The following ZNF536 variants were observed in gnomAD, a reference collection of about 807,000 sequenced individuals.
ZNF536 encodes zinc finger protein 536.
A neutral mutation model predicts 84.5 loss-of-function variants in ZNF536; 13 were observed. That is an observed-to-expected ratio of 0.15 (90% CI 0.10 to 0.24). The LOEUF is 0.24. Ranked by LOEUF, ZNF536 falls within the 10% of genes least tolerant of loss-of-function variation. The probability of loss-of-function intolerance (pLI) is 1.00; values close to 1 mark genes in which losing one functional copy is unlikely to be tolerated. For synonymous variants in ZNF536, 811 were observed against 742.5 expected (o/e 1.09, Z -1.50); for missense variants, 1,536 against 1,747.5 (o/e 0.88, Z 2.16).
At position 30,557,208 on chromosome 19, in the gene ZNF536, T is replaced by A. The variant is rs762387553; in HGVS notation, c.*44T>A. ...GTCTATCTGGACTTGCCCTTGTCTG[T>A]TCGTGGTCCTCGGTGGTTATCTGCA... On this transcript the variant is annotated 3_prime_UTR_variant, in exon 5 of 5. Coordinates refer to ENST00000355537, the MANE Select transcript of ZNF536 (RefSeq NM_014717.3). 6.2e-7 allele frequency: 1 copy of A among 1,611,582 alleles called. No homozygotes were observed.
In ZNF536 at chr19:30,698,501, A is replaced by G. The variant is rs201974165; in HGVS notation, c.170-12256A>G. On this transcript the variant is annotated intron_variant, in intron 1 of 1. Transcript: ENST00000592773. ...GTCCTGTTCTGCTCCAGGATACCAT[A>G]TTACCTTAGGTGTCCTGTCTCCTTC... 3.9e-5 allele frequency among the ~76,000 whole-genome samples: 6 copies of G among 152,256 alleles called. No homozygotes were observed. In the East Asian group the frequency reaches 9.6e-4, roughly 24 times the overall value.
At chr19:30,523,879 G>C (rs1568514119) in intron 2 of ZNF536, among the ~76,000 whole-genome samples, 1 of 152,290 alleles carries the variant, frequency 6.6e-6, no homozygotes, top group East Asian at 1.9e-4. Context: ...AGCCGGGCCT[G>C]GTGGATTTTT....
chr19:30,398,559 G>T (rs780700897), intron 1 of ZNF536, among the ~76,000 whole-genome samples: 19 of 151,948 alleles, frequency 1.3e-4, no homozygotes, highest in Non-Finnish European at 2.5e-4. Context: ...TCCCGGACAG[G>T]CCCCAGTGTG....
intron 1 of ZNF536, among the ~76,000 whole-genome samples, chr19:30,563,252 G>A (rs1479375393): frequency 6.6e-6 from 1 of 152,098 alleles, no homozygotes; most frequent in African/African-American, 2.4e-5. Context: ...CTTTCTGGAT[G>A]GCCCATCTGG....
In ZNF536 at chr19:30,448,467, G is replaced by T. The variant is rs548464809; in HGVS notation, c.2170+2735G>T. Among the ~76,000 whole-genome samples the T allele has an allele frequency of 4.9e-3, 740 of 152,284 alleles. 5 individuals are homozygous for T. Among genetic ancestry groups the T allele is most frequent in the African/African-American group, 0.017 (707 of 41,574 alleles). ...GGAGAGAGAGAGAAAAAATCTTTAA[G>T]CCCTTAAGTAAAGAAAGAAGTACTT... On this transcript the variant is annotated intron_variant, in intron 2 of 4. Transcript: ENST00000355537.
intron 2 of ZNF536, among the ~76,000 whole-genome samples, chr19:30,477,302 T>G (rs562560242): frequency 6.6e-6 from 1 of 152,330 alleles, no homozygotes; most frequent in East Asian, 1.9e-4. Context: ...AGGAATGGTG[T>G]CTGTTTTGTC....
At chr19:30,462,653 T>C (rs1489134972) in intron 2 of ZNF536, among the ~76,000 whole-genome samples, 2 of 152,178 alleles carry the variant, frequency 1.3e-5, no homozygotes, top group Non-Finnish European at 2.9e-5. Flanking sequence ...TGCAATTATG[T>C]TGCTGTGTTG....
chr19:30,483,685 G>A (rs1450892329), intron 2 of ZNF536, among the ~76,000 whole-genome samples: 6 of 151,968 alleles, frequency 3.9e-5, no homozygotes, highest in African/African-American at 9.7e-5. Context: ...GTTCGTTCCC[G>A]GTAGCTTGCT....
chr19:30,242,690 G>T (rs1171711325), intron 1 of ZNF536, among the ~76,000 whole-genome samples: 1 of 152,190 alleles, frequency 6.6e-6, no homozygotes, highest in Non-Finnish European at 1.5e-5. Context: ...TCGAGAGAGG[G>T]ACAGGTTGGC....
chr19:30,274,755 A>G (rs2026036088), intron 1 of ZNF536, among the ~76,000 whole-genome samples: 1 of 152,166 alleles, frequency 6.6e-6, no homozygotes, highest in Non-Finnish European at 1.5e-5. Flanking sequence ...TTCGAGTGAT[A>G]TTTATCAAGC....
At position 30,444,881 on chromosome 19, in the gene ZNF536, C is replaced by T. The variant is rs769608026; in HGVS notation, c.1319C>T (p.Thr440Ile). ...YLSCLQSGFM[T>I]PDKAGLSEPS... ...TCCTGCCTGCAGAGTGGCTTCATGA[C>T]CCCGGACAAAGCCGGCCTGAGCGAG... The change falls in exon 2 of 5, where the codon ACC (threonine) becomes ATC (isoleucine). Residue 440 changes from threonine to isoleucine, a missense_variant. Physicochemically the swap from Thr to Ile is moderately conservative, Grantham distance 89. This residue lies in a region of ZNF536 where 366 missense variants were observed against 364.4 expected (regional missense o/e 1.00). Transcript: ENST00000355537. 1.2e-6 allele frequency: 2 copies of T among 1,612,506 alleles called. No homozygotes were observed. Among genetic ancestry groups the T allele is most frequent in the Non-Finnish European group, 1.7e-6 (2 of 1,179,454 alleles).
At chr19:30,559,301 G>T (rs1243724539), downstream of ZNF536, among the ~76,000 whole-genome samples, 7 of 152,192 alleles carry the variant, frequency 4.6e-5, no homozygotes, top group Non-Finnish European at 1.0e-4. Flanking sequence ...CCTAGCAAAG[G>T]TAAAGTGAAT....
intron 1 of ZNF536, among the ~76,000 whole-genome samples, chr19:30,710,191 G>GA (rs915278845): frequency 6.6e-6 from 1 of 152,050 alleles, no homozygotes; most frequent in African/African-American, 2.4e-5. Flanking sequence ...ACCCTTTATA[G>GA]AAAAAAATTC....
intron 3 of ZNF536, among the ~76,000 whole-genome samples, chr19:30,538,265 C>T (rs530422577): frequency 2.6e-5 from 4 of 152,196 alleles, no homozygotes; most frequent in South Asian, 2.1e-4. Flanking sequence ...CTCCAAAATG[C>T]CATCTTTTTG....
intron 3 of ZNF536, among the ~76,000 whole-genome samples, chr19:30,538,838 A>T (rs1379289786): frequency 6.6e-6 from 1 of 152,194 alleles, no homozygotes; most frequent in African/African-American, 2.4e-5. Flanking sequence ...TGTGATTCAA[A>T]TTCAGAGCCC....
Position 30,444,259 on chromosome 19 carries a change from G to T in ZNF536, c.697G>T (p.Ala233Ser), listed in dbSNP as rs1461705498. 1 of 1,551,270 alleles carries T rather than the reference G, an allele frequency of 6.4e-7. No homozygotes were observed. Among genetic ancestry groups the T allele is most frequent in the South Asian group, 1.2e-5 (1 of 85,842 alleles). Reference sequence around the variant, plus strand: ...GAAGCCCCCGCCGCACGCCCAGCAGGCCCCGCTGGCCGCCTGCACCCTGGC... The same window carrying T: ...GAAGCCCCCGCCGCACGCCCAGCAGTCCCCGCTGGCCGCCTGCACCCTGGC... ...DLKPPPHAQQ[A>S]PLAACTLALQ... is the part of the protein sequence containing the mutation. The change falls in exon 2 of 5, where the codon GCC becomes TCC. Residue 233 changes from alanine (A) to serine (S), a missense_variant. Ala to Ser is a moderately conservative substitution (Grantham distance 99). Coordinates refer to ENST00000355537, the MANE Select transcript of ZNF536 (RefSeq NM_014717.3).
intron 1 of ZNF536, among the ~76,000 whole-genome samples, chr19:30,250,112 T>A (rs1236536626): frequency 6.6e-6 from 1 of 152,116 alleles, no homozygotes; most frequent in East Asian, 1.9e-4. Context: ...GACTCTGATG[T>A]TTGGGATGTG....
intron 1 of ZNF536, among the ~76,000 whole-genome samples, chr19:30,252,570 C>G (rs533023238): frequency 1.4e-4 from 21 of 147,774 alleles, no homozygotes; most frequent in Admixed American, 1.4e-3. Flanking sequence ...TGCCATAGCC[C>G]GAGAGACACC....
At chr19:30,249,696 G>T (rs768269561) in intron 1 of ZNF536, among the ~76,000 whole-genome samples, 8 of 152,132 alleles carry the variant, frequency 5.3e-5, no homozygotes, top group Non-Finnish European at 1.0e-4. Context: ...AGAGCAAGTG[G>T]CTGAGTTCAG....
Sources: allele counts gnomAD v4.1 joint callset (sites outside exome capture counted in the v4.1 genomes callset), GRCh38; gene constraint gnomAD v4.1.1; regional missense constraint gnomAD v4.1.1; transcripts MANE v1.5; gene names NCBI Gene and HGNC (gene_info 2026-07-23, HGNC 2026-07-21).